PRKCB: variants seen among roughly 807,000 people sequenced by gnomAD.
PRKCB encodes protein kinase C beta type.
In PRKCB, 13 loss-of-function variants were observed where a neutral mutation model predicts 81.5. That is an observed-to-expected ratio of 0.16 (90% CI 0.10 to 0.25). PRKCB has a LOEUF of 0.25. PRKCB is among the 10% of genes least tolerant of loss of function. PRKCB has a pLI of 1.00. For missense variants in PRKCB, 509 were observed against 875.7 expected (o/e 0.58, Z 5.29); for synonymous variants, 335 against 321.4 (o/e 1.04, Z -0.45).
chr16:24,062,432 A>G (rs1021359766), intron 5 of PRKCB, among the ~76,000 whole-genome samples: 5 of 152,246 alleles, frequency 3.3e-5, no homozygotes, highest in Admixed American at 2.6e-4. Flanking sequence ...TTTGCATCGC[A>G]TTGGCTAATG....
intron 10 of PRKCB, 73 bp downstream of exon 10, chr16:24,154,930 G>A: frequency 6.7e-7 from 1 of 1,501,844 alleles, no homozygotes; most frequent in Non-Finnish European, 9.0e-7. Context: ...TATCTTAGCA[G>A]CACCCAGCAC....
intron 3 of PRKCB, among the ~76,000 whole-genome samples, chr16:24,021,044 T>TTCTTTCTTTATTTATTTCTTTCTTTC (rs1965367354): frequency 5.1e-5 from 4 of 77,932 alleles, no homozygotes; most frequent in African/African-American, 2.5e-4. Context: ...TTCTTTCTCT[T>TTCTTTCTTTATTTATTTCTTTCTTTC]TCTTTCTTTC....
chr16:24,216,304 C>T lies in PRKCB; in HGVS notation c.*1488C>T. 1 of 985,398 alleles carries T rather than the reference C, an allele frequency of 1.0e-6. No individual in the cohort carries two copies. The highest frequency in any genetic ancestry group is 1.2e-6 in the Non-Finnish European group (1 of 829,940). The allele number at this position is 985,398 out of a possible 1,614,324, so 61.0% of individuals were successfully genotyped here. ...CTCTTGATTTTCTTATCAAAATCAC[C>T]ACTCCTCCCAGCTTGGACTAAATAT... On this transcript the variant is annotated 3_prime_UTR_variant, in exon 17 of 17. Coordinates refer to ENST00000643927, the MANE Select transcript of PRKCB (RefSeq NM_002738.7).
chr16:24,083,626 G>A (rs534650771), intron 5 of PRKCB, among the ~76,000 whole-genome samples: 1 of 152,270 alleles, frequency 6.6e-6, no homozygotes, highest in African/African-American at 2.4e-5. Flanking sequence ...TTCTTGAAAA[G>A]ATAAAACTGT....
chr16:24,006,262 C>G (rs936736264), intron 3 of PRKCB, among the ~76,000 whole-genome samples: 1 of 152,208 alleles, frequency 6.6e-6, no homozygotes, highest in Non-Finnish European at 1.5e-5. Flanking sequence ...GAGGATTGGC[C>G]TCTCTAGCTC....
chr16:23,997,996 T>G (rs993578948), intron 3 of PRKCB, among the ~76,000 whole-genome samples: 1 of 152,122 alleles, frequency 6.6e-6, no homozygotes, highest in Non-Finnish European at 1.5e-5. Flanking sequence ...TCTGTGAGGG[T>G]GTTTTCAAGA....
At chr16:24,114,619 T>G (rs1000756815) in intron 8 of PRKCB, among the ~76,000 whole-genome samples, 1 of 152,072 alleles carries the variant, frequency 6.6e-6, no homozygotes, top group Non-Finnish European at 1.5e-5. Flanking sequence ...AGAAAATGTT[T>G]GGGGGAAGAT....
At chr16:23,845,230 G>A (rs915068629) in intron 2 of PRKCB, among the ~76,000 whole-genome samples, 1 of 152,160 alleles carries the variant, frequency 6.6e-6, no homozygotes, top group African/African-American at 2.4e-5. Context: ...GGGGAGATAA[G>A]ACATTCTACA....
At chr16:24,158,502 A>G (rs1967198617) in intron 10 of PRKCB, among the ~76,000 whole-genome samples, 1 of 151,806 alleles carries the variant, frequency 6.6e-6, no homozygotes, top group Non-Finnish European at 1.5e-5. Context: ...TTTAATTGCT[A>G]TGCTCTGAGA....
chr16:23,948,889 C>T (rs1039764574), intron 2 of PRKCB, among the ~76,000 whole-genome samples: 30 of 152,138 alleles, frequency 2.0e-4, no homozygotes, highest in Admixed American at 1.2e-3. Context: ...CACCATGCAT[C>T]TCCTGTCAGA....
chr16:23,999,142 G>A (rs1196708135), intron 3 of PRKCB, among the ~76,000 whole-genome samples: 2 of 152,184 alleles, frequency 1.3e-5, no homozygotes, highest in East Asian at 3.8e-4. Flanking sequence ...ACACCTGCTT[G>A]CCCACCTGGC....
intron 16 of PRKCB, among the ~76,000 whole-genome samples, chr16:24,194,571 G>A (rs1052827991): frequency 2.0e-5 from 3 of 151,890 alleles, no homozygotes; most frequent in African/African-American, 2.4e-5. Flanking sequence ...CATTTTGACC[G>A]GTTAAATATT....
At chr16:23,900,012 T>C (rs1963444778) in intron 2 of PRKCB, among the ~76,000 whole-genome samples, 2 of 152,068 alleles carry the variant, frequency 1.3e-5, no homozygotes, top group South Asian at 4.2e-4. Context: ...TTATTACTCT[T>C]TAGGACCCAT....
Position 24,220,171 on chromosome 16 carries a change from A to G in PRKCB, c.*5355A>G, listed in dbSNP as rs1968301446. 6.3e-7 allele frequency: 1 copy of G among 1,593,676 alleles called. No individual in the cohort carries two copies. The highest frequency in any genetic ancestry group is 8.6e-7 in the Non-Finnish European group (1 of 1,165,144). On this transcript the variant is annotated 3_prime_UTR_variant, in exon 17 of 17. Coordinates refer to ENST00000643927, the MANE Select transcript of PRKCB (RefSeq NM_002738.7). ...GTAAGACTTCAAGCCAAGCGTATGT[A>G]TCAATTCTAGTCTTCCAGGATTCAC...
intron 2 of PRKCB, among the ~76,000 whole-genome samples, chr16:23,851,172 T>G (rs771452394): frequency 6.6e-6 from 1 of 152,224 alleles, no homozygotes; most frequent in Non-Finnish European, 1.5e-5. Flanking sequence ...AAACCAATGT[T>G]GTGGAGTTTT....
chr16:24,109,988 C>A (rs865817369), intron 7 of PRKCB, among the ~76,000 whole-genome samples: 6 of 133,670 alleles, frequency 4.5e-5, no homozygotes, highest in East Asian at 4.1e-4. Flanking sequence ...CGCAGGCACT[C>A]GGCAGGCTGA....
chr16:24,091,112 G>A (rs1286910489), intron 5 of PRKCB, among the ~76,000 whole-genome samples: 1 of 152,048 alleles, frequency 6.6e-6, no homozygotes, highest in Non-Finnish European at 1.5e-5. Flanking sequence ...TAATGGCTAT[G>A]GTAATGGATA....
At chr16:23,918,385 T>A (rs62028124) in intron 2 of PRKCB, among the ~76,000 whole-genome samples, 75,875 of 148,612 alleles carry the variant, frequency 0.51, 20,179 homozygotes, top group East Asian at 0.62. Flanking sequence ...ACCTTTTTAT[T>A]ATTATTATTA....
chr16:23,894,405 T>C (rs1963339903), intron 2 of PRKCB, among the ~76,000 whole-genome samples: 1 of 152,228 alleles, frequency 6.6e-6, no homozygotes, highest in African/African-American at 2.4e-5. Flanking sequence ...AGGTTTTCAT[T>C]GTCACATTGC....
Sources: allele counts gnomAD v4.1 joint callset (sites outside exome capture counted in the v4.1 genomes callset), GRCh38; gene constraint gnomAD v4.1.1; transcripts MANE v1.5; gene names NCBI Gene and HGNC (gene_info 2026-07-23, HGNC 2026-07-21).